Variants in GPR158 observed in about 807,000 individuals in gnomAD.
GPR158 encodes the protein G protein-coupled receptor 158.
Under a neutral mutation model 78.2 loss-of-function variants are expected in GPR158, and 30 were observed. The ratio of observed to expected loss-of-function variants is 0.38; its 90% confidence interval spans 0.29 to 0.52. The LOEUF is 0.52. Among genes scored for constraint, GPR158 ranks in the 20% least tolerant of loss-of-function variants. The probability of loss-of-function intolerance (pLI) is 0.83; values close to 1 mark genes in which losing one functional copy is unlikely to be tolerated. For missense variants in GPR158, 1,463 were observed against 1,523.5 expected (o/e 0.96, Z 0.66); for synonymous variants, 581 against 591.1 (o/e 0.98, Z 0.25).
chr10:25,415,189 AC>A (rs1419414366), intron 4 of GPR158, among the ~76,000 whole-genome samples: 2 of 152,056 alleles, frequency 1.3e-5, no homozygotes, highest in African/African-American at 2.4e-5. Flanking sequence ...CTTCATGAAA[AC>A]TTTTTTGTAT....
chr10:25,535,583 G>C (rs1326599725), intron 5 of GPR158, among the ~76,000 whole-genome samples: 1 of 152,192 alleles, frequency 6.6e-6, no homozygotes, highest in Non-Finnish European at 1.5e-5. Context: ...TAACCCTAAG[G>C]CTGGCAGTGC....
chr10:25,187,103 T>G (rs1046545451), intron 1 of GPR158, among the ~76,000 whole-genome samples: 6 of 151,810 alleles, frequency 4.0e-5, no homozygotes, highest in Non-Finnish European at 7.4e-5. Context: ...TATCTAGGAC[T>G]ACAGGCGCCC....
chr10:25,401,538 T>C (rs1304321034), intron 3 of GPR158, among the ~76,000 whole-genome samples: 1 of 152,154 alleles, frequency 6.6e-6, no homozygotes, highest in African/African-American at 2.4e-5. Context: ...AACACTTCAG[T>C]CCTCCAAAAA....
chr10:25,497,598 T>G lies in GPR158; in HGVS notation c.1404+30879T>G, dbSNP rs572342481. 7.2e-5 allele frequency among the ~76,000 whole-genome samples: 11 copies of G among 151,972 alleles called. No homozygotes were observed. In the South Asian group the frequency reaches 2.3e-3, roughly 32 times the overall value. On this transcript the variant is annotated intron_variant, in intron 5 of 10. Coordinates refer to ENST00000376351, the MANE Select transcript of GPR158 (RefSeq NM_020752.3). ...AAAGATAGGACTCTTCAGGAGAGAGTCTCTATTCTCGGTATTTAGTTTGTT... is the reference window on the plus strand; with the variant it reads ...AAAGATAGGACTCTTCAGGAGAGAGGCTCTATTCTCGGTATTTAGTTTGTT...
At chr10:25,390,693 A>G (rs1834283381) in intron 2 of GPR158, among the ~76,000 whole-genome samples, 1 of 152,254 alleles carries the variant, frequency 6.6e-6, no homozygotes, top group Admixed American at 6.5e-5. Context: ...AGAGCATACA[A>G]TTTTGGAAAA....
At chr10:25,575,324 G>A (rs77211706) in intron 7 of GPR158, among the ~76,000 whole-genome samples, 9,501 of 152,184 alleles carry the variant, frequency 0.062, 676 homozygotes, top group African/African-American at 0.17. Context: ...CTATAAGGAT[G>A]TATTTTGGTT....
At chr10:25,474,102 A>G (rs150284946) in intron 5 of GPR158, among the ~76,000 whole-genome samples, 2 of 152,226 alleles carry the variant, frequency 1.3e-5, no homozygotes, top group African/African-American at 2.4e-5. Flanking sequence ...GGCATTGCCA[A>G]CTTTGAAGAT....
intron 2 of GPR158, among the ~76,000 whole-genome samples, chr10:25,324,394 G>C (rs746524924): frequency 4.6e-5 from 7 of 152,166 alleles, no homozygotes; most frequent in Non-Finnish European, 7.3e-5. Flanking sequence ...CCAGGAGTGA[G>C]GAGTGGAAGA....
At chr10:25,334,633 T>C (rs1254645490) in intron 2 of GPR158, among the ~76,000 whole-genome samples, 3 of 152,006 alleles carry the variant, frequency 2.0e-5, no homozygotes, top group Non-Finnish European at 4.4e-5. Flanking sequence ...AGAACTAGAT[T>C]CTAGTTATGA....
intron 4 of GPR158, among the ~76,000 whole-genome samples, chr10:25,444,171 C>A (rs1429724804): frequency 6.6e-6 from 1 of 151,882 alleles, no homozygotes; most frequent in Non-Finnish European, 1.5e-5. Context: ...GCTTCCTCTA[C>A]TGCAGTCTGT....
At chr10:25,236,842 A>G (rs1364821867) in intron 2 of GPR158, among the ~76,000 whole-genome samples, 5 of 152,200 alleles carry the variant, frequency 3.3e-5, no homozygotes, top group Non-Finnish European at 7.3e-5. Flanking sequence ...ATTAATTACA[A>G]TAACTACATT....
intron 2 of GPR158, among the ~76,000 whole-genome samples, chr10:25,354,349 C>A (rs1855518531): frequency 7.2e-6 from 1 of 138,668 alleles, no homozygotes; most frequent in African/African-American, 3.0e-5. Flanking sequence ...GAGTGAAACT[C>A]AGTCTCAAAA....
chr10:25,385,038 T>A (rs1165359863), intron 2 of GPR158, among the ~76,000 whole-genome samples: 1 of 152,220 alleles, frequency 6.6e-6, no homozygotes, highest in Admixed American at 6.5e-5. Flanking sequence ...TAATGTTATT[T>A]ATATTCATTG....
chr10:25,175,584 C>T lies in GPR158; in HGVS notation c.164C>T (p.Ser55Leu). 2 of 1,610,950 alleles carry T rather than the reference C, an allele frequency of 1.2e-6. No homozygotes were observed. Among genetic ancestry groups the T allele is most frequent in the Non-Finnish European group, 1.7e-6 (2 of 1,179,816 alleles). The change falls in exon 1 of 11, where the codon TCG (serine) becomes TTG (leucine). Residue 55 changes from serine to leucine, a missense_variant. Coordinates refer to ENST00000376351, the MANE Select transcript of GPR158 (RefSeq NM_020752.3). The surrounding 1 kb of genome is among the most constrained non-coding windows in gnomAD (Gnocchi z 6.4). ...CAGCAGCCGGGTCGAGCCTCTGCCT[C>T]GGACTCCTCGGCTCCCTGGAGCCGC... ...HAQQPGRASA[S>L]DSSAPWSRST...
At chr10:25,378,776 C>G (rs565305218) in intron 2 of GPR158, among the ~76,000 whole-genome samples, 1 of 152,124 alleles carries the variant, frequency 6.6e-6, no homozygotes, top group African/African-American at 2.4e-5. Context: ...ATTTACTTCC[C>G]ACCTGCCTTT....
intron 5 of GPR158, among the ~76,000 whole-genome samples, chr10:25,515,231 A>T (rs1178344676): frequency 6.6e-6 from 1 of 152,004 alleles, no homozygotes; most frequent in African/African-American, 2.4e-5. Flanking sequence ...GATTAATACA[A>T]AAGCCTTGTC....
chr10:25,570,527 T>C (rs1836991164), intron 6 of GPR158, among the ~76,000 whole-genome samples: 1 of 152,204 alleles, frequency 6.6e-6, no homozygotes, highest in South Asian at 2.1e-4. Flanking sequence ...TATTGACCAC[T>C]CTCTATTTTA....
intron 4 of GPR158, among the ~76,000 whole-genome samples, chr10:25,430,214 A>G (rs1404263923): frequency 1.3e-5 from 2 of 152,216 alleles, no homozygotes; most frequent in African/African-American, 2.4e-5. Context: ...TTATACACCA[A>G]TAACAGACAA....
chr10:25,409,887 A>G (rs983497785), intron 3 of GPR158, among the ~76,000 whole-genome samples: 6 of 152,182 alleles, frequency 3.9e-5, no homozygotes, highest in Admixed American at 6.5e-5. Flanking sequence ...TCAATAGAGC[A>G]TTTATTTAAA....
Sources: gnomAD v4.1 joint callset for allele counts (sites outside exome capture counted in the v4.1 genomes callset) on GRCh38, gnomAD v4.1.1 for gene constraint, Gnocchi (gnomAD v3.1) non-coding constraint, MANE v1.5 for transcripts, NCBI Gene and HGNC (gene_info 2026-07-23, HGNC 2026-07-21) for gene names.